LASP1: variants seen among roughly 807,000 people sequenced by gnomAD.
LASP1 encodes the protein LIM and SH3 protein 1, also known as LIM and SH3 domain protein 1.
In LASP1, 10 loss-of-function variants were observed where a neutral mutation model predicts 38.6. That is an observed-to-expected ratio of 0.26 (90% confidence interval 0.16 to 0.44). The LOEUF is 0.44. Ranked by LOEUF, LASP1 falls within the 20% of genes least tolerant of loss-of-function variation. The probability of loss-of-function intolerance (pLI) is 1.00; values close to 1 mark genes in which losing one functional copy is unlikely to be tolerated. For synonymous variants in LASP1, 132 were observed against 140.8 expected (o/e 0.94, Z 0.44); for missense variants, 243 against 375.7 (o/e 0.65, Z 2.92).
At chr17:38,878,586 G>A (rs1347680999) in intron 2 of LASP1, among the ~76,000 whole-genome samples, 1 of 152,132 alleles carries the variant, frequency 6.6e-6, no homozygotes, top group Non-Finnish European at 1.5e-5. Context: ...ATTTGGGGTT[G>A]AGGACTTTGT....
chr17:38,885,667 G>A (rs992646112), intron 2 of LASP1, among the ~76,000 whole-genome samples: 1 of 152,202 alleles, frequency 6.6e-6, no homozygotes, highest in African/African-American at 2.4e-5. Context: ...CCTCGCCATG[G>A]CCCAGTCTGT....
chr17:38,915,072 G>A lies in LASP1; in HGVS notation c.538G>A (p.Ala180Thr), dbSNP rs1327225752. The change falls in exon 6 of 7, where the codon GCC (alanine) becomes ACC (threonine). Residue 180 changes from alanine to threonine, a missense_variant. Ala to Thr is a moderately conservative substitution (Grantham distance 58). Transcript: ENST00000318008. ...CCAGCAGCCCCAGCAGCAGCCGGTG[G>A]CCCAGTCCTATGGTGGCTACAAGGA... ...VYQQPQQQPV[A>T]QSYGGYKEPA... 1.2e-6 allele frequency: 2 copies of A among 1,613,980 alleles called. No individual in the cohort carries two copies. Among genetic ancestry groups the A allele is most frequent in the East Asian group, 2.2e-5 (1 of 44,876 alleles).
intron 4 of LASP1, among the ~76,000 whole-genome samples, chr17:38,909,730 CATT>C (rs1250785691): frequency 1.6e-5 from 2 of 126,884 alleles, no homozygotes; most frequent in African/African-American, 3.8e-5. Context: ...TTTTTCATCT[CATT>C]CATTCATTCA....
In LASP1 at chr17:38,919,411, TG is replaced by T. The variant is rs1184628454; in HGVS notation, c.*634del. 1 of 240,330 alleles carries T rather than the reference TG, an allele frequency of 4.2e-6. No homozygotes were observed. Among genetic ancestry groups the T allele is most frequent in the African/African-American group, 2.2e-5 (1 of 45,396 alleles). 14.9% of individuals were successfully genotyped at this position (240,330 alleles called of 1,614,324 possible). On this transcript the variant is annotated 3_prime_UTR_variant, in exon 7 of 7. Coordinates refer to ENST00000318008, the MANE Select transcript of LASP1 (RefSeq NM_006148.4). Reference sequence around the variant, plus strand: ...TCCCCGCGCGTTCCTTCGCACACTGTGATTTTGCCCTCCTGCCCACGCAGAC... The same window carrying T: ...TCCCCGCGCGTTCCTTCGCACACTGTATTTTGCCCTCCTGCCCACGCAGAC...
At chr17:38,896,377 G>A (rs1273578518) in intron 3 of LASP1, among the ~76,000 whole-genome samples, 1 of 152,182 alleles carries the variant, frequency 6.6e-6, no homozygotes, top group African/African-American at 2.4e-5. Flanking sequence ...AGGTGGTGCT[G>A]ATCCCAGGCT....
At position 38,918,856 on chromosome 17, in the gene LASP1, G is replaced by T; in HGVS notation, c.*78G>T. On this transcript the variant is annotated 3_prime_UTR_variant, in exon 7 of 7. Transcript: ENST00000318008. This position sits in a 1 kb window ranked among gnomAD's most constrained non-coding sequence, Gnocchi z 4.4. The stretch of plus-strand genomic sequence containing the variant: ...CTGGGCGTGACCCGTCCATTCTTCA[G>T]TGTCTCTGTTTTTTAAAACCTGCGA... The T allele has an allele frequency of 1.3e-6, 2 of 1,503,616 alleles. No homozygotes were observed. Among genetic ancestry groups the T allele is most frequent in the Non-Finnish European group, 1.8e-6 (2 of 1,101,844 alleles). 93.1% of individuals were successfully genotyped at this position (1,503,616 alleles called of 1,614,324 possible). A position where few individuals can be genotyped will look rare whatever the true frequency, so the allele number is the denominator to read the frequency against.
At chr17:38,888,462 G>A (rs1316395583) in intron 2 of LASP1, among the ~76,000 whole-genome samples, 1 of 152,128 alleles carries the variant, frequency 6.6e-6, no homozygotes, top group East Asian at 1.9e-4. Context: ...ATTTTTAATA[G>A]AAACAGGATT....
intron 1 of LASP1, among the ~76,000 whole-genome samples, chr17:38,876,438 G>A (rs1913779808): frequency 6.6e-6 from 1 of 151,628 alleles, no homozygotes; most frequent in Non-Finnish European, 1.5e-5. Flanking sequence ...TCAGCTCACC[G>A]CAATCTCTGC....
Position 38,918,880 on chromosome 17 carries a change from G to A in LASP1, c.*102G>A, listed in dbSNP as rs748301630. ...AGTGTCTCTGTTTTTTAAAACCTGC[G>A]ACAGCTTGTGATTCCTACCCCTCTT... is the stretch of plus-strand genomic sequence containing the variant. On this transcript the variant is annotated 3_prime_UTR_variant, in exon 7 of 7. Coordinates refer to ENST00000318008, the MANE Select transcript of LASP1 (RefSeq NM_006148.4). The surrounding 1 kb of genome is among the most constrained non-coding windows in gnomAD (Gnocchi z 4.4). The A allele has an allele frequency of 1.5e-5, 20 of 1,308,690 alleles. No homozygotes were observed. In the Middle Eastern group the frequency reaches 9.3e-4, roughly 61 times the overall value. 81.1% of individuals were successfully genotyped at this position (1,308,690 alleles called of 1,614,324 possible).
At chr17:38,876,508 G>A (rs886405038) in intron 1 of LASP1, among the ~76,000 whole-genome samples, 5 of 149,234 alleles carry the variant, frequency 3.4e-5, no homozygotes, top group Non-Finnish European at 5.9e-5. Context: ...TTACAGGCAC[G>A]CCGTCACTGC....
At chr17:38,888,996 C>T (rs907247472) in intron 2 of LASP1, among the ~76,000 whole-genome samples, 1 of 152,244 alleles carries the variant, frequency 6.6e-6, no homozygotes, top group Non-Finnish European at 1.5e-5. Context: ...TTTAACCTCT[C>T]TGGCCTCAGT....
intron 4 of LASP1, among the ~76,000 whole-genome samples, chr17:38,913,422 C>A (rs1318658306): frequency 6.6e-6 from 1 of 152,222 alleles, no homozygotes; most frequent in African/African-American, 2.4e-5. Flanking sequence ...GTACCCACGA[C>A]ATCTTGCACA....
intron 2 of LASP1, among the ~76,000 whole-genome samples, chr17:38,881,952 G>C (rs1913964512): frequency 6.6e-6 from 1 of 152,258 alleles, no homozygotes; most frequent in African/African-American, 2.4e-5. Context: ...TTCTGTCCTT[G>C]CATCAGACTT....
intron 4 of LASP1, among the ~76,000 whole-genome samples, chr17:38,912,206 C>T (rs990877209): frequency 6.6e-6 from 1 of 152,268 alleles, no homozygotes; most frequent in Non-Finnish European, 1.5e-5. Context: ...TTGACTTTTC[C>T]CCTGTCCCAT....
intron 4 of LASP1, among the ~76,000 whole-genome samples, chr17:38,907,951 C>T (rs1376206723): frequency 6.6e-6 from 1 of 152,204 alleles, no homozygotes; most frequent in African/African-American, 2.4e-5. Flanking sequence ...GGGAAAGTGA[C>T]TCCCAAGGTC....
At chr17:38,876,670 G>A (rs141077789) in intron 1 of LASP1, among the ~76,000 whole-genome samples, 3 of 150,838 alleles carry the variant, frequency 2.0e-5, no homozygotes, top group African/African-American at 7.3e-5. Context: ...GGCTAGATCT[G>A]TTCTCTTTCT....
intron 3 of LASP1, among the ~76,000 whole-genome samples, chr17:38,892,305 C>T (rs1914351787): frequency 6.6e-6 from 1 of 152,180 alleles, no homozygotes; most frequent in African/African-American, 2.4e-5. Context: ...CTGGTAGGGC[C>T]TGAGGCTCAC....
chr17:38,882,081 C>T (rs1013425080), intron 2 of LASP1, among the ~76,000 whole-genome samples: 1 of 152,164 alleles, frequency 6.6e-6, no homozygotes, highest in Non-Finnish European at 1.5e-5. Context: ...CAGACACCCA[C>T]GCCGGTGCTG....
chr17:38,872,915 A>G (rs1310672622), intron 1 of LASP1, among the ~76,000 whole-genome samples: 2 of 152,132 alleles, frequency 1.3e-5, no homozygotes, highest in Non-Finnish European at 2.9e-5. Flanking sequence ...AGCTGGATAA[A>G]TATGTATTGC....
Sources: allele counts gnomAD v4.1 joint callset (sites outside exome capture counted in the v4.1 genomes callset), GRCh38; gene constraint gnomAD v4.1.1; non-coding constraint Gnocchi (gnomAD v3.1); transcripts MANE v1.5; gene names NCBI Gene and HGNC (gene_info 2026-07-23, HGNC 2026-07-21).